The following MCMBP variants were observed in gnomAD, a reference collection of about 807,000 sequenced individuals.
MCMBP encodes the protein mini-chromosome maintenance complex-binding protein.
MCMBP carries 31 observed loss-of-function variants against 81.3 expected under a neutral mutation model. The ratio of observed to expected loss-of-function variants is 0.38; its 90% CI spans 0.29 to 0.51. MCMBP has a LOEUF of 0.51. Ranked by LOEUF, MCMBP falls within the 20% of genes least tolerant of loss-of-function variation. MCMBP has a pLI of 0.87. For synonymous variants in MCMBP, 267 were observed against 275.9 expected, an observed-to-expected ratio of 0.97 and a Z score of 0.32; for missense variants, 645 against 772.1, an observed-to-expected ratio of 0.84 and a Z score of 1.95.
intron 11 of MCMBP, among the ~76,000 whole-genome samples, chr10:119,840,217 A>C (rs900042534): frequency 2.0e-5 from 3 of 152,208 alleles, no homozygotes; most frequent in African/African-American, 7.2e-5. Context: ...CTGCTGGTAT[A>C]TTCCAGTCCA....
chr10:119,854,072 G>A (rs1021569738), intron 5 of MCMBP, among the ~76,000 whole-genome samples: 3 of 145,868 alleles, frequency 2.1e-5, no homozygotes, highest in Non-Finnish European at 4.5e-5. Flanking sequence ...AGACAGTCTC[G>A]TTCTGTTGCC....
chr10:119,854,343 G>GT (rs756766958), intron 5 of MCMBP, among the ~76,000 whole-genome samples: 1 of 151,214 alleles, frequency 6.6e-6, no homozygotes, highest in African/African-American at 2.4e-5. Flanking sequence ...TGCCTGGTCT[G>GT]TTTTTTTAAA....
At chr10:119,859,283 C>T in intron 2 of MCMBP, 102 bp from the exon 3 acceptor site, 1 of 614,296 alleles carries the variant, frequency 1.6e-6, no homozygotes, top group Non-Finnish European at 2.5e-6. Context: ...GTTACACACA[C>T]ACACACACAC....
At chr10:119,872,186 T>C (rs1853701897) in intron 1 of MCMBP, among the ~76,000 whole-genome samples, 1 of 152,052 alleles carries the variant, frequency 6.6e-6, no homozygotes, top group African/African-American at 2.4e-5. Flanking sequence ...ACCTCCGAGT[T>C]TGCTGCGCCC....
chr10:119,860,142 C>A (rs1161975078), intron 1 of MCMBP, among the ~76,000 whole-genome samples: 1 of 152,174 alleles, frequency 6.6e-6, no homozygotes, highest in Non-Finnish European at 1.5e-5. Flanking sequence ...TGCAGGCTCT[C>A]TAGCACCCAC....
chr10:119,862,953 G>A (rs544682552), intron 1 of MCMBP, among the ~76,000 whole-genome samples: 18 of 152,258 alleles, frequency 1.2e-4, no homozygotes, highest in East Asian at 3.9e-4. Context: ...TATCCTATCT[G>A]GTGAAATGTC....
chr10:119,835,534 A>G lies in MCMBP; in HGVS notation c.1707+6T>C, dbSNP rs973278742. The G allele has an allele frequency of 3.7e-6, 6 of 1,610,696 alleles. No individual in the cohort carries two copies. The African/African-American group carries it at 8.0e-5, about 21-fold the overall frequency. On this transcript the variant is annotated splice_donor_region_variant and intron_variant, in intron 14 of 15. Transcript: ENST00000369077. ...AGGGAAATCCTTTATTTTAACCTAG[A>G]CATACCTTGGTTATTTCATCAGATA...
chr10:119,850,362 G>C (rs1467760234), intron 6 of MCMBP, among the ~76,000 whole-genome samples: 1 of 152,140 alleles, frequency 6.6e-6, no homozygotes, highest in Non-Finnish European at 1.5e-5. Context: ...GTGGTAGTTA[G>C]GAGCATAAAA....
intron 1 of MCMBP, among the ~76,000 whole-genome samples, chr10:119,864,206 G>A (rs970202658): frequency 6.6e-6 from 1 of 152,236 alleles, no homozygotes; most frequent in Non-Finnish European, 1.5e-5. Context: ...CTCTCCTAAA[G>A]CCTCCACAAT....
chr10:119,843,617 T>A (rs1852517254), intron 8 of MCMBP, among the ~76,000 whole-genome samples, 191 bp from the exon 9 acceptor site: 1 of 152,318 alleles, frequency 6.6e-6, no homozygotes, highest in South Asian at 2.1e-4. Flanking sequence ...TGTTAAGACA[T>A]ATCATGAAAT....
rs545218855 is a variant in MCMBP at position 119,857,551 on chromosome 10, GATTA to G, written c.328-116_328-113del. 1.9e-3 allele frequency: 1,055 copies of G among 567,780 alleles called. 3 individuals are homozygous for G. The highest frequency in any genetic ancestry group is 0.016 in the African/African-American group (833 of 52,182). The allele number at this position is 567,780 out of a possible 1,614,324, so 35.2% of individuals were successfully genotyped here. On this transcript the variant is annotated intron_variant, in intron 4 of 15. Coordinates refer to ENST00000369077, the MANE Select transcript of MCMBP (RefSeq NM_001256378.2). ...ATAACACCACAGCAAATATTTTACA[GATTA>G]ATTAACAAGTAACTAATTCCAAACT...
chr10:119,843,833 T>C (rs933796464), intron 8 of MCMBP, among the ~76,000 whole-genome samples: 1 of 152,026 alleles, frequency 6.6e-6, no homozygotes, highest in African/African-American at 2.4e-5. Flanking sequence ...GGCTAATTTT[T>C]GTATTTTTAG....
intron 1 of MCMBP, among the ~76,000 whole-genome samples, chr10:119,872,202 C>CG (rs1041752641): frequency 1.3e-5 from 2 of 152,098 alleles, no homozygotes; most frequent in African/African-American, 2.4e-5. Context: ...CGCCCGGGGC[C>CG]GGGGCCCTGG....
intron 8 of MCMBP, among the ~76,000 whole-genome samples, chr10:119,844,234 A>C (rs146909704): frequency 6.6e-6 from 1 of 152,334 alleles, no homozygotes; most frequent in Non-Finnish European, 1.5e-5. Context: ...CAAGCAATGA[A>C]AGTATGAATT....
Position 119,831,421 on chromosome 10 carries a change from T to C in MCMBP, c.*53A>G. 2 of 1,600,226 alleles carry C rather than the reference T, an allele frequency of 1.2e-6. No homozygotes were observed. Among genetic ancestry groups the C allele is most frequent in the Non-Finnish European group, 1.7e-6 (2 of 1,171,864 alleles). On this transcript the variant is annotated 3_prime_UTR_variant, in exon 16 of 16. Coordinates refer to ENST00000369077, the MANE Select transcript of MCMBP (RefSeq NM_001256378.2). ...ATGTGGTATAAATGAATATCTGAATTTTACAATTATGTGGCTACAGTTTGC... is the reference window on the plus strand; with the variant it reads ...ATGTGGTATAAATGAATATCTGAATCTTACAATTATGTGGCTACAGTTTGC...
At chr10:119,859,311 C>CA in intron 2 of MCMBP, 130 bp from the exon 3 acceptor site, 2 of 731,534 alleles carry the variant, frequency 2.7e-6, no homozygotes, top group Non-Finnish European at 2.1e-6. Context: ...CACACCCATG[C>CA]CACATCAGAG....
At chr10:119,842,394 T>C in intron 10 of MCMBP, 78 bp downstream of exon 10, 5 of 1,499,600 alleles carry the variant, frequency 3.3e-6, no homozygotes, top group Non-Finnish European at 4.5e-6. Flanking sequence ...AACACACAAA[T>C]GACACCAGCA....
chr10:119,846,957 C>T (rs1395923270), intron 8 of MCMBP, among the ~76,000 whole-genome samples: 1 of 151,690 alleles, frequency 6.6e-6, no homozygotes, highest in Non-Finnish European at 1.5e-5. Flanking sequence ...AGGCTGAGGA[C>T]TGTTTCAGAT....
chr10:119,867,278 G>T (rs573099813), intron 1 of MCMBP, among the ~76,000 whole-genome samples: 2 of 108,092 alleles, frequency 1.9e-5, no homozygotes, highest in African/African-American at 7.5e-5. Flanking sequence ...GGGCGACAGA[G>T]CGAGACTCCA....
Sources: allele counts gnomAD v4.1 joint callset (sites outside exome capture counted in the v4.1 genomes callset), GRCh38; gene constraint gnomAD v4.1.1; transcripts MANE v1.5; gene names NCBI Gene and HGNC (gene_info 2026-07-23, HGNC 2026-07-21).